The following SLC15A5 variants were observed in gnomAD, a reference collection of about 807,000 sequenced individuals.
SLC15A5 encodes the protein solute carrier family 15 member 5.
In SLC15A5, 58 loss-of-function variants were observed where a neutral mutation model predicts 56.1. The ratio of observed to expected loss-of-function variants is 1.03; its 90% CI spans 0.84 to 1.29. The LOEUF is 1.29. Ranked by LOEUF, SLC15A5 falls within the 50% of genes most tolerant of loss-of-function variation. The pLI is 0.00. For missense variants in SLC15A5, 681 were observed against 672.1 expected (o/e 1.01, Z -0.15); for synonymous variants, 264 against 250.5 (o/e 1.05, Z -0.51).
intron 7 of SLC15A5, among the ~76,000 whole-genome samples, chr12:16,195,662 T>C (rs931464426): frequency 1.3e-5 from 2 of 152,110 alleles, no homozygotes; most frequent in Non-Finnish European, 2.9e-5. Flanking sequence ...CCAATAGGAC[T>C]GGGCTTCAGT....
rs868716821 is a variant in SLC15A5 at position 16,217,813 on chromosome 12, G to A, written c.1352-789C>T. 2.6e-5 allele frequency among the ~76,000 whole-genome samples: 4 copies of A among 152,128 alleles called. No individual in the cohort carries two copies. The South Asian group carries it at 6.2e-4, about 24-fold the overall frequency. On this transcript the variant is annotated intron_variant, in intron 6 of 8. Transcript: ENST00000344941. ...GAGAGAGAGAGAGACAATAGCTTAA[G>A]CATTGGTTCTCCAAAGTGGTTATCT...
chr12:16,245,417 T>G (rs922788889), intron 3 of SLC15A5, among the ~76,000 whole-genome samples: 2 of 152,224 alleles, frequency 1.3e-5, no homozygotes, highest in African/African-American at 4.8e-5. Flanking sequence ...TAGTTTCTTC[T>G]AGGTTTACAT....
At chr12:16,218,619 T>A (rs770293337) in intron 6 of SLC15A5, among the ~76,000 whole-genome samples, 3 of 152,154 alleles carry the variant, frequency 2.0e-5, no homozygotes, top group Non-Finnish European at 2.9e-5. Flanking sequence ...AGCACAGTGC[T>A]AAGTATTTGT....
At chr12:16,273,766 C>A (rs1864787918) in intron 1 of SLC15A5, among the ~76,000 whole-genome samples, 1 of 149,946 alleles carries the variant, frequency 6.7e-6, no homozygotes. Context: ...ATAGCATTCC[C>A]CCCCATCAGA....
At chr12:16,232,763 A>G (rs2136253801) in intron 5 of SLC15A5, among the ~76,000 whole-genome samples, 1 of 152,198 alleles carries the variant, frequency 6.6e-6, no homozygotes, top group South Asian at 2.1e-4. Flanking sequence ...TAAAAATACC[A>G]AAATTAACTG....
chr12:16,273,178 G>C (rs763663841), intron 1 of SLC15A5, among the ~76,000 whole-genome samples: 14 of 152,098 alleles, frequency 9.2e-5, no homozygotes, highest in Non-Finnish European at 1.9e-4. Flanking sequence ...AATCAATCGA[G>C]TGACAGAAAA....
intron 5 of SLC15A5, among the ~76,000 whole-genome samples, chr12:16,233,423 G>A (rs1864317983): frequency 6.6e-6 from 1 of 152,166 alleles, no homozygotes; most frequent in African/African-American, 2.4e-5. Context: ...GAAGGGTGAT[G>A]CAATTTCAAT....
At chr12:16,225,397 AG>A (rs1174740513) in intron 5 of SLC15A5, among the ~76,000 whole-genome samples, 1 of 152,206 alleles carries the variant, frequency 6.6e-6, no homozygotes, top group East Asian at 1.9e-4. Context: ...GGCATGGGCA[AG>A]GACTTCATGT....
chr12:16,258,987 T>C (rs1864608883), intron 2 of SLC15A5, among the ~76,000 whole-genome samples: 1 of 100,244 alleles, frequency 1.0e-5, no homozygotes. Context: ...ACATCTTCTT[T>C]TTCTTTTTTT....
At chr12:16,207,872 C>T (rs1041442736) in intron 7 of SLC15A5, among the ~76,000 whole-genome samples, 6 of 152,062 alleles carry the variant, frequency 3.9e-5, no homozygotes, top group Non-Finnish European at 8.8e-5. Flanking sequence ...AGGCTGGTCT[C>T]GAACTCCTGA....
chr12:16,219,719 G>T (rs1321447435), intron 6 of SLC15A5, among the ~76,000 whole-genome samples: 1 of 151,216 alleles, frequency 6.6e-6, no homozygotes, highest in Non-Finnish European at 1.5e-5. Context: ...CTACTTGCAT[G>T]TTCTGATCTT....
At chr12:16,238,526 A>C (rs1864375157) in intron 5 of SLC15A5, among the ~76,000 whole-genome samples, 1 of 149,936 alleles carries the variant, frequency 6.7e-6, no homozygotes, top group Non-Finnish European at 1.5e-5. Flanking sequence ...GCTACTCGGG[A>C]GGCTGAGGCA....
intron 5 of SLC15A5, among the ~76,000 whole-genome samples, chr12:16,232,639 G>C (rs1864309571): frequency 6.6e-6 from 1 of 152,168 alleles, no homozygotes; most frequent in Non-Finnish European, 1.5e-5. Context: ...CTTCTGGCCA[G>C]GTGCAGCAGC....
intron 7 of SLC15A5, among the ~76,000 whole-genome samples, chr12:16,199,304 C>CAA (rs10687463): frequency 0.22 from 19,752 of 91,102 alleles, 1,811 homozygotes; most frequent in East Asian, 0.31. Flanking sequence ...TAGACTGTCT[C>CAA]AAAAAAAAAA....
rs1565672615 is a variant in SLC15A5 at position 16,257,752 on chromosome 12, C to T, written c.703G>A (p.Val235Met). Residue 235 changes from valine (V) to methionine (M), a missense_variant, in exon 3 of 9, where the codon GTG (valine) becomes ATG (methionine). Transcript: ENST00000344941. ...LIPFMSMLMA[V>M]ITLHMIYYNL... ...TAGTATATCATATGAAGAGTTATCA[C>T]AGCCATAAGCATAGACATAAAAGGA... is the stretch of plus-strand genomic sequence containing the variant. 2 of 1,527,078 alleles carry T rather than the reference C, an allele frequency of 1.3e-6. No homozygotes were observed. Among genetic ancestry groups the T allele is most frequent in the Non-Finnish European group, 1.7e-6 (2 of 1,143,534 alleles). The allele number at this position is 1,527,078 out of a possible 1,614,324, so 94.6% of individuals were successfully genotyped here. A position where few individuals can be genotyped will look rare whatever the true frequency, so the allele number is the denominator to read the frequency against.
chr12:16,210,648 AGGATAAACT>A lies in SLC15A5; in HGVS notation c.1483+6236_1483+6244del, dbSNP rs374502221. Among the ~76,000 whole-genome samples, 784 of 152,302 alleles carry A rather than the reference AGGATAAACT, an allele frequency of 5.1e-3. 4 individuals carry two copies. The highest frequency in any genetic ancestry group is 0.018 in the African/African-American group (754 of 41,568). On this transcript the variant is annotated intron_variant, in intron 7 of 8. Transcript: ENST00000344941. ...AGAGAAACAGCCTCCATTTTAGAGAAGGATAAACTGGGACTCAGTATGGTTAAGTAATGA... is the reference window on the plus strand; with the variant it reads ...AGAGAAACAGCCTCCATTTTAGAGAAGGGACTCAGTATGGTTAAGTAATGA...
chr12:16,239,705 C>T lies in SLC15A5; in HGVS notation c.1138G>A (p.Gly380Arg). ...STCLFPSKRV[G>R]SFLSTCIIAG... is the part of the protein sequence containing the mutation. ...CTGATGCATGTTGACAGAAATGATC[C>T]AACTCTCTTAGAGGGAAACAGGCAG... is the stretch of plus-strand genomic sequence containing the variant. The change falls in exon 5 of 9, where the codon GGA becomes AGA. Residue 380 changes from glycine (G) to arginine (R), a missense_variant. Transcript: ENST00000344941. 6.5e-7 allele frequency: 1 copy of T among 1,536,882 alleles called. No individual in the cohort carries two copies.
At chr12:16,275,216 A>G (rs140991485) in intron 1 of SLC15A5, among the ~76,000 whole-genome samples, 10 of 152,204 alleles carry the variant, frequency 6.6e-5, no homozygotes, top group African/African-American at 2.4e-4. Flanking sequence ...GAGTTTTCCA[A>G]TCATGGATAA....
At chr12:16,252,638 T>TA (rs879917796) in intron 3 of SLC15A5, among the ~76,000 whole-genome samples, 17 of 151,976 alleles carry the variant, frequency 1.1e-4, no homozygotes, top group East Asian at 5.8e-4. Flanking sequence ...AAAACTTTAC[T>TA]AAAAAAAATT....
Sources: allele counts gnomAD v4.1 joint callset (sites outside exome capture counted in the v4.1 genomes callset), GRCh38; gene constraint gnomAD v4.1.1; transcripts MANE v1.5; gene names NCBI Gene and HGNC (gene_info 2026-07-23, HGNC 2026-07-21).